The following NUP98 variants were observed in gnomAD, a reference collection of about 807,000 sequenced individuals.
NUP98 encodes nucleoporin 98 and 96 precursor, also known as nuclear pore complex protein Nup98-Nup96.
A neutral mutation model predicts 191.9 loss-of-function variants in NUP98; 26 were observed. That is an observed-to-expected ratio of 0.14 (90% CI 0.10 to 0.19). The LOEUF (loss-of-function observed/expected upper bound fraction) is 0.19, where lower values mean the gene tolerates loss of function less well. Among genes scored for constraint, NUP98 ranks in the 10% least tolerant of loss-of-function variants. The pLI, the probability that NUP98 is intolerant of heterozygous loss-of-function variation, is 1.00. For synonymous variants in NUP98, 808 were observed against 778.4 expected (o/e 1.04, Z -0.63); for missense variants, 1,941 against 2,178.8 (o/e 0.89, Z 2.17).
chr11:3,779,508 G>A (rs2081875560), intron 2 of NUP98, among the ~76,000 whole-genome samples: 1 of 152,008 alleles, frequency 6.6e-6, no homozygotes, highest in Admixed American at 6.6e-5. Context: ...GGGCGTGGTG[G>A]CACATGCCTA....
At position 3,699,159 on chromosome 11, in the gene NUP98, T is replaced by G; in HGVS notation, c.3932A>C (p.Asn1311Thr). ...IEEEVSLTQK[N>T]SPVEAVFSYL... is the part of the protein sequence containing the mutation. Reference sequence around the variant, plus strand: ...GCTGAATACAGCCTCCACAGGGCTGTTTTTTTGGGTTAAGGAGACTTCCTC... The same window carrying G: ...GCTGAATACAGCCTCCACAGGGCTGGTTTTTTGGGTTAAGGAGACTTCCTC... The change falls in exon 25 of 33, where the codon AAC (asparagine) becomes ACC (threonine). Residue 1311 changes from asparagine to threonine, a missense_variant. Asn to Thr is a moderately conservative substitution (Grantham distance 65). Around this residue, in one of 6 missense-constraint regions of NUP98, gnomAD observed 1,030 missense variants for 1,115.8 expected, o/e 0.92. Coordinates refer to ENST00000324932, the MANE Select transcript of NUP98 (RefSeq NM_016320.5). 1 of 1,613,840 alleles carries G rather than the reference T, an allele frequency of 6.2e-7. No homozygotes were observed. Among genetic ancestry groups the G allele is most frequent in the Non-Finnish European group, 8.5e-7 (1 of 1,179,938 alleles).
At chr11:3,708,523 T>C (rs957658947) in intron 20 of NUP98, among the ~76,000 whole-genome samples, 1 of 152,026 alleles carries the variant, frequency 6.6e-6, no homozygotes, top group Non-Finnish European at 1.5e-5. Context: ...CTGTAAGATA[T>C]CATCTAATAA....
intron 11 of NUP98, 45 bp downstream of exon 11, chr11:3,753,271 G>T: frequency 1.4e-6 from 2 of 1,442,600 alleles, no homozygotes; most frequent in Non-Finnish European, 2.0e-6. Context: ...AAACTAGAAA[G>T]TCAAGCTGTG....
chr11:3,729,035 G>A (rs1014750506), intron 14 of NUP98, among the ~76,000 whole-genome samples: 2 of 152,170 alleles, frequency 1.3e-5, no homozygotes, highest in African/African-American at 4.8e-5. Flanking sequence ...AGAAAACATG[G>A]ACATGTTAAT....
chr11:3,763,123 T>A (rs1370213946), intron 8 of NUP98, 84 bp from the exon 9 acceptor site: 12 of 1,352,820 alleles, frequency 8.9e-6, no homozygotes, highest in Non-Finnish European at 1.2e-5. Context: ...AAAGTTACCA[T>A]TTTTTCAAGC....
intron 5 of NUP98, among the ~76,000 whole-genome samples, chr11:3,774,113 C>G (rs966062209): frequency 6.6e-6 from 1 of 152,018 alleles, no homozygotes. Context: ...TAAAAAAATA[C>G]GGAGGGCCAG....
chr11:3,699,043 G>T, intron 25 of NUP98, 39 bp downstream of exon 25: 1 of 1,603,226 alleles, frequency 6.2e-7, no homozygotes. Context: ...GAGTAGGAAG[G>T]CGACAGAGGC....
chr11:3,683,492 G>A, intron 29 of NUP98, 51 bp from the exon 30 acceptor site: 1 of 1,600,878 alleles, frequency 6.2e-7, no homozygotes, highest in Non-Finnish European at 8.5e-7. Flanking sequence ...CATGGAGAAG[G>A]CTGCCCCAGG....
chr11:3,679,914 T>A, intron 30 of NUP98: 2 of 580,386 alleles, frequency 3.4e-6, no homozygotes. Flanking sequence ...AAATCACAAA[T>A]TTTTTGGTTT....
chr11:3,686,260 G>T, intron 28 of NUP98, 66 bp from the exon 29 acceptor site: 1 of 1,403,200 alleles, frequency 7.1e-7, no homozygotes, highest in African/African-American at 1.4e-5. Flanking sequence ...TATGTCAACT[G>T]TTCTGCTTAT....
intron 11 of NUP98, among the ~76,000 whole-genome samples, chr11:3,749,908 C>CAA (rs1406211198): frequency 2.0e-5 from 3 of 152,140 alleles, no homozygotes; most frequent in African/African-American, 7.2e-5. Context: ...TTTTGAAAGG[C>CAA]AAATTAGCAA....
At chr11:3,716,432 G>A (rs1028453032) in intron 18 of NUP98, among the ~76,000 whole-genome samples, 17 of 152,052 alleles carry the variant, frequency 1.1e-4, no homozygotes, top group African/African-American at 3.4e-4. Context: ...AAGACTGGGC[G>A]TGGTGGTTTA....
intron 20 of NUP98, chr11:3,712,114 A>G: frequency 9.5e-7 from 1 of 1,057,234 alleles, no homozygotes; most frequent in East Asian, 5.3e-5. Flanking sequence ...AAGTATAAGC[A>G]AACAACTTTA....
chr11:3,797,098 G>A (rs1230115215), intron 1 of NUP98, among the ~76,000 whole-genome samples: 1 of 152,228 alleles, frequency 6.6e-6, no homozygotes, highest in Non-Finnish European at 1.5e-5. Context: ...CCACCGTGGG[G>A]TCCTTACACC....
intron 30 of NUP98, among the ~76,000 whole-genome samples, chr11:3,681,384 A>G (rs1382638469): frequency 6.6e-6 from 1 of 152,132 alleles, no homozygotes; most frequent in Non-Finnish European, 1.5e-5. Context: ...GAAGGTTTTC[A>G]TTTACTTTCC....
At position 3,676,255 on chromosome 11, in the gene NUP98, G is replaced by A. The variant is rs78047297; in HGVS notation, c.5307C>T (p.His1769=). 22 of 1,614,214 alleles carry A rather than the reference G, an allele frequency of 1.4e-5. No homozygotes were observed. The African/African-American group carries it at 2.4e-4, about 18-fold the overall frequency. The change falls in exon 33 of 33, where the codon CAC becomes CAT. Residue 1769 remains histidine, a synonymous_variant. Coordinates refer to ENST00000324932, the MANE Select transcript of NUP98 (RefSeq NM_016320.5). ...CCTCAGGCATGGGAAGCCGGCCAAT[G>A]TGGGGAGCCAAGAGGCGCAAAGGGA... ...QRVPLRLLAP[H]IGRLPMPEDY... is the part of the protein sequence containing the mutation.
At chr11:3,783,183 G>C (rs2082032578) in intron 1 of NUP98, among the ~76,000 whole-genome samples, 1 of 152,106 alleles carries the variant, frequency 6.6e-6, no homozygotes, top group African/African-American at 2.4e-5. Context: ...CTTGAGCCCA[G>C]GAGTTCGAGA....
At chr11:3,680,702 G>A (rs1414808002) in intron 30 of NUP98, among the ~76,000 whole-genome samples, 1 of 151,668 alleles carries the variant, frequency 6.6e-6, no homozygotes, top group Non-Finnish European at 1.5e-5. Flanking sequence ...TGTGCCACCA[G>A]GCCCGACTAA....
Position 3,692,667 on chromosome 11 carries a change from A to G in NUP98, c.4311+565T>C, listed in dbSNP as rs190784231. 2.6e-3 allele frequency among the ~76,000 whole-genome samples: 395 copies of G among 152,220 alleles called. 1 individual carries two copies. Among genetic ancestry groups the G allele is most frequent in the Non-Finnish European group, 4.0e-3 (269 of 68,008 alleles). ...TTAAACATTTTTTGGTCAATGATGT[A>G]TTTCATCTGTCTTCAATGGACTGGT... On this transcript the variant is annotated intron_variant, in intron 27 of 32. Transcript: ENST00000324932.
Sources: allele counts gnomAD v4.1 joint callset (sites outside exome capture counted in the v4.1 genomes callset), GRCh38; gene constraint gnomAD v4.1.1; regional missense constraint gnomAD v4.1.1; transcripts MANE v1.5; gene names NCBI Gene and HGNC (gene_info 2026-07-23, HGNC 2026-07-21).